IL34: variants seen among roughly 807,000 people sequenced by gnomAD.
IL34 encodes the protein interleukin-34.
Under a neutral mutation model 25.3 loss-of-function variants are expected in IL34, and 17 were observed. The observed-to-expected ratio is 0.67, with a 90% CI of 0.46 to 1.01. The LOEUF (loss-of-function observed/expected upper bound fraction) is 1.01, where lower values mean the gene tolerates loss of function less well. Among genes scored for constraint, IL34 ranks in the 50% least tolerant of loss-of-function variants. IL34 has a pLI of 0.00. For missense variants in IL34, 368 were observed against 312.9 expected (o/e 1.18, Z -1.33); for synonymous variants, 174 against 140.9 (o/e 1.23, Z -1.66).
chr16:70,630,888 C>T (rs13336968), intron 1 of IL34, among the ~76,000 whole-genome samples: 13,982 of 152,154 alleles, frequency 0.092, 2,126 homozygotes, highest in African/African-American at 0.32. Context: ...TTTCTTTATT[C>T]ATCTGCTGAT....
At chr16:70,655,544 T>C (rs2052196488) in intron 2 of IL34, among the ~76,000 whole-genome samples, 2 of 151,466 alleles carry the variant, frequency 1.3e-5, no homozygotes, top group Admixed American at 6.6e-5. Context: ...TGCACCACCA[T>C]GCCCAGCTAA....
At chr16:70,596,010 C>CA (rs201758396) in intron 1 of IL34, among the ~76,000 whole-genome samples, 1,446 of 94,858 alleles carry the variant, frequency 0.015, 22 homozygotes, top group African/African-American at 0.038. Context: ...GACCCCGTCT[C>CA]AAAAAAAAAA....
rs201912368 is a variant in IL34, at chr16:70,634,111, A to G, written c.-400-12437A>G. Among the ~76,000 whole-genome samples, 23 of 152,082 alleles carry G rather than the reference A, an allele frequency of 1.5e-4. No homozygotes were observed. The East Asian group carries it at 4.1e-3, about 27-fold the overall frequency. The stretch of plus-strand genomic sequence containing the variant: ...AGTGATCTGCCCGCCTCGGCCTCCC[A>G]AAATGCTGGGATTACAGGTGTGAGC... On this transcript the variant is annotated intron_variant, in intron 1 of 6. Transcript: ENST00000429149.
chr16:70,630,740 T>G (rs2051500746), intron 1 of IL34, among the ~76,000 whole-genome samples: 1 of 151,846 alleles, frequency 6.6e-6, no homozygotes, highest in African/African-American at 2.4e-5. Context: ...CCTGGCTAAT[T>G]TTTATATTTT....
intron 1 of IL34, among the ~76,000 whole-genome samples, chr16:70,596,800 A>G (rs892986555): frequency 4.6e-5 from 7 of 152,172 alleles, no homozygotes; most frequent in African/African-American, 1.7e-4. Flanking sequence ...TATGTTGCCC[A>G]TGCTGGTCTC....
At chr16:70,656,792 C>T in intron 3 of IL34, 113 bp downstream of exon 3, 1 of 994,498 alleles carries the variant, frequency 1.0e-6, no homozygotes, top group Non-Finnish European at 1.6e-6. Flanking sequence ...GGGGCCTCTC[C>T]TCAGCCCCGA....
chr16:70,613,555 C>G (rs914971635), intron 1 of IL34, among the ~76,000 whole-genome samples: 12 of 152,136 alleles, frequency 7.9e-5, no homozygotes, highest in African/African-American at 2.9e-4. Flanking sequence ...CCAGTGGTAT[C>G]TGCAGCACCT....
At chr16:70,623,965 C>CA (rs2051334877) in intron 1 of IL34, among the ~76,000 whole-genome samples, 2 of 133,048 alleles carry the variant, frequency 1.5e-5, no homozygotes, top group East Asian at 2.3e-4. Context: ...ATTAAGGCGA[C>CA]GGACTTACCT....
At chr16:70,617,658 G>A (rs1173868919) in intron 1 of IL34, among the ~76,000 whole-genome samples, 1 of 152,150 alleles carries the variant, frequency 6.6e-6, no homozygotes, top group Non-Finnish European at 1.5e-5. Flanking sequence ...TTTTTAAGTT[G>A]GTGGCTGAGC....
At chr16:70,626,902 G>T (rs373850036) in intron 1 of IL34, among the ~76,000 whole-genome samples, 1 of 152,060 alleles carries the variant, frequency 6.6e-6, no homozygotes, top group Admixed American at 6.6e-5. Flanking sequence ...GTCTATTTCA[G>T]AACTTGCTAC....
intron 1 of IL34, among the ~76,000 whole-genome samples, chr16:70,650,855 T>C (rs2151876094): frequency 6.6e-6 from 1 of 152,278 alleles, no homozygotes; most frequent in South Asian, 2.1e-4. Context: ...CCATTTCTAC[T>C]GCTTGAGGCG....
intron 1 of IL34, among the ~76,000 whole-genome samples, chr16:70,603,024 C>T (rs2050942038): frequency 6.6e-6 from 1 of 152,052 alleles, no homozygotes; most frequent in Admixed American, 6.5e-5. Flanking sequence ...GGAGCCCCGG[C>T]TGTTTTTCTC....
chr16:70,589,505 C>T (rs563326724), intron 1 of IL34, among the ~76,000 whole-genome samples: 2 of 152,210 alleles, frequency 1.3e-5, no homozygotes, highest in South Asian at 4.2e-4. Flanking sequence ...GTTTTCTGCT[C>T]TGTGCTACTT....
intron 1 of IL34, among the ~76,000 whole-genome samples, chr16:70,589,369 T>C (rs2050727593): frequency 6.6e-6 from 1 of 152,164 alleles, no homozygotes. Context: ...ATAGTTATCT[T>C]TTCTGTTCCT....
chr16:70,637,247 A>G (rs1417704517), intron 1 of IL34, among the ~76,000 whole-genome samples: 1 of 152,040 alleles, frequency 6.6e-6, no homozygotes, highest in Non-Finnish European at 1.5e-5. Flanking sequence ...TTTTTAAAGC[A>G]GTTTGTGCTT....
chr16:70,583,553 C>G (rs926339940), intron 1 of IL34, among the ~76,000 whole-genome samples: 1 of 152,104 alleles, frequency 6.6e-6, no homozygotes. Flanking sequence ...TAAATAACTG[C>G]AAAGAGAGGG....
At chr16:70,586,117 C>A (rs2050691921) in intron 1 of IL34, among the ~76,000 whole-genome samples, 1 of 152,198 alleles carries the variant, frequency 6.6e-6, no homozygotes, top group Non-Finnish European at 1.5e-5. Flanking sequence ...CAGGCATGAG[C>A]CACCGCCCCC....
chr16:70,649,525 G>A (rs567688356), intron 1 of IL34, among the ~76,000 whole-genome samples: 1 of 152,272 alleles, frequency 6.6e-6, no homozygotes, highest in African/African-American at 2.4e-5. Context: ...CAGTGTCAGG[G>A]CTCTGCCTCT....
chr16:70,583,022 T>G lies in IL34; in HGVS notation c.-401+2973T>G, dbSNP rs554622945. Among the ~76,000 whole-genome samples the G allele has an allele frequency of 9.9e-5, 15 of 152,180 alleles. No homozygotes were observed. The Middle Eastern group carries it at 0.01, about 104-fold the overall frequency. On this transcript the variant is annotated intron_variant, in intron 1 of 6. Coordinates refer to the IL34 transcript ENST00000429149. The stretch of plus-strand genomic sequence containing the variant: ...GGGAGCGGCGGAGTGGGAGATGAGA[T>G]GAGGGGAGGTGGTAGGGATACGATT...
Sources: gnomAD v4.1 joint callset for allele counts (sites outside exome capture counted in the v4.1 genomes callset) on GRCh38, gnomAD v4.1.1 for gene constraint, MANE v1.5 for transcripts, NCBI Gene and HGNC (gene_info 2026-07-23, HGNC 2026-07-21) for gene names.